ANO1: variants seen among roughly 807,000 people sequenced by gnomAD.
ANO1 encodes the protein anoctamin-1.
In ANO1, 59 loss-of-function variants were observed where a neutral mutation model predicts 124.0. The ratio of observed to expected loss-of-function variants is 0.48; its 90% CI spans 0.39 to 0.59. The LOEUF (loss-of-function observed/expected upper bound fraction) is 0.59, where lower values mean the gene tolerates loss of function less well. Among genes scored for constraint, ANO1 ranks in the 20% least tolerant of loss-of-function variants. The pLI, the probability that ANO1 is intolerant of heterozygous loss-of-function variation, is 0.00. For missense variants in ANO1, 1,059 were observed against 1,328.0 expected (o/e 0.80, Z 3.15); for synonymous variants, 529 against 532.0 (o/e 0.99, Z 0.08).
chr11:70,119,770 G>C (rs748066770), intron 8 of ANO1, among the ~76,000 whole-genome samples: 2 of 151,718 alleles, frequency 1.3e-5, no homozygotes, highest in Non-Finnish European at 2.9e-5. Flanking sequence ...ATAGATGGAT[G>C]GGTGGATGGT....
chr11:70,010,961 C>T (rs1236774182), intron 1 of ANO1, among the ~76,000 whole-genome samples: 16 of 152,362 alleles, frequency 1.1e-4, no homozygotes, highest in Non-Finnish European at 2.2e-4. Flanking sequence ...CTGTCTCGCT[C>T]ACTACTGCAC....
intron 20 of ANO1, 105 bp downstream of exon 20, chr11:70,165,675 TGGG>T: frequency 1.2e-6 from 1 of 860,318 alleles, no homozygotes; most frequent in Non-Finnish European, 1.8e-6. Flanking sequence ...TCAACCAAGA[TGGG>T]GGCACTAGAA....
chr11:70,149,853 C>T (rs2047530560), intron 12 of ANO1, 61 bp downstream of exon 12: 4 of 1,564,862 alleles, frequency 2.6e-6, no homozygotes, highest in Non-Finnish European at 3.5e-6. Context: ...TACCCCAGGA[C>T]CTCCTTGGGA....
chr11:70,180,659 G>A (rs1203341497), intron 23 of ANO1, among the ~76,000 whole-genome samples: 4 of 152,042 alleles, frequency 2.6e-5, no homozygotes, highest in Non-Finnish European at 5.9e-5. Flanking sequence ...GAGATAGGTG[G>A]GAAGACAGAG....
intron 1 of ANO1, among the ~76,000 whole-genome samples, chr11:70,020,632 G>A (rs1555002533): frequency 6.6e-6 from 1 of 152,122 alleles, no homozygotes; most frequent in Admixed American, 6.5e-5. Context: ...ACCCCTCTTC[G>A]CTGCTGCGGT....
intron 1 of ANO1, among the ~76,000 whole-genome samples, chr11:70,068,432 G>C (rs550514944): frequency 6.6e-6 from 1 of 152,314 alleles, no homozygotes; most frequent in South Asian, 2.1e-4. Context: ...GCTGGGTCCT[G>C]AGAATACAGA....
intron 1 of ANO1, among the ~76,000 whole-genome samples, chr11:69,991,609 G>T (rs187880077): frequency 6.6e-6 from 1 of 152,342 alleles, no homozygotes; most frequent in African/African-American, 2.4e-5. Flanking sequence ...CTTCCATATT[G>T]TGATGTAAAT....
intron 14 of ANO1, among the ~76,000 whole-genome samples, chr11:70,155,546 G>A (rs1335016804): frequency 6.6e-6 from 1 of 152,182 alleles, no homozygotes; most frequent in Non-Finnish European, 1.5e-5. Flanking sequence ...GGGCTTCTGG[G>A]TGTGGCTTCC....
intron 1 of ANO1, chr11:70,085,264 A>C (rs966345154): frequency 1.1e-6 from 1 of 933,772 alleles, no homozygotes; most frequent in African/African-American, 1.7e-5. Flanking sequence ...CCCGTCCTTC[A>C]TGGGGCTGGG....
chr11:70,136,531 G>T (rs938700965), intron 11 of ANO1, among the ~76,000 whole-genome samples: 11 of 120,546 alleles, frequency 9.1e-5, no homozygotes, highest in African/African-American at 1.5e-4. Context: ...CCTGGAGTTT[G>T]TTAGGGGAAG....
chr11:70,010,191 A>ATATATATATATATG lies in ANO1; in HGVS notation c.58+24032_58+24033insATATATGTATATAT, dbSNP rs1565159762. 1.9e-3 allele frequency among the ~76,000 whole-genome samples: 233 copies of ATATATATATATATG among 123,022 alleles called. 22 individuals carry two copies. The highest frequency in any genetic ancestry group is 7.7e-3 in the African/African-American group (221 of 28,710). The allele number at this position is 123,022 out of a possible 152,430, so 80.7% of individuals were successfully genotyped here. ...CGCGTGTGTGTGTGTATATATATAT[A>ATATATATATATATG]TATATATCACATTTTCTTTATCCAC... On this transcript the variant is annotated intron_variant, in intron 1 of 27. Transcript: ENST00000531349.
chr11:70,108,784 A>T (rs1379492802), intron 6 of ANO1, among the ~76,000 whole-genome samples: 1 of 152,176 alleles, frequency 6.6e-6, no homozygotes, highest in Non-Finnish European at 1.5e-5. Context: ...CGGCATCTCC[A>T]TGTGGCTGTT....
Position 70,126,083 on chromosome 11 carries a change from G to C in ANO1, c.985G>C (p.Gly329Arg). Residue 329 changes from glycine (G) to arginine (R), a missense_variant, in exon 10 of 26, where the codon GGC becomes CGC. Transcript: ENST00000355303. ...LVRKYFGEKI[G>R]LYFAWLGVYT... is the part of the protein sequence containing the mutation. ...TAGGAAGTATTTTGGGGAGAAGATC[G>C]GCCTGTACTTCGCCTGGCTGGGCGT... 1 of 1,611,136 alleles carries C rather than the reference G, an allele frequency of 6.2e-7. No homozygotes were observed. The highest frequency in any genetic ancestry group is 8.5e-7 in the Non-Finnish European group (1 of 1,178,562).
Position 70,182,593 on chromosome 11 carries a change from A to G in ANO1, c.2495A>G (p.Asn832Ser), listed in dbSNP as rs753555135. ...AACGGGACCATGCACGGCTTCGTCA[A>G]CCACACCCTCTCCTCCTTCAACGTC... ...SKNGTMHGFV[N>S]HTLSSFNVSD... The change falls in exon 24 of 26, where the codon AAC becomes AGC. Residue 832 changes from asparagine (N) to serine (S), a missense_variant. This residue lies in a region of ANO1 where 809 missense variants were observed against 1,094.9 expected (regional missense o/e 0.74). Transcript: ENST00000355303. The G allele has an allele frequency of 6.2e-6, 10 of 1,613,542 alleles. No individual in the cohort carries two copies. The highest frequency in any genetic ancestry group is 3.3e-5 in the Admixed American group (2 of 59,956).
At chr11:70,089,303 T>A (rs2044525899) in intron 2 of ANO1, among the ~76,000 whole-genome samples, 1 of 152,234 alleles carries the variant, frequency 6.6e-6, no homozygotes, top group South Asian at 2.1e-4. Flanking sequence ...TGAAATTTCA[T>A]CCACAGGCAC....
chr11:69,997,745 G>A (rs968339279), intron 1 of ANO1, among the ~76,000 whole-genome samples: 2 of 152,126 alleles, frequency 1.3e-5, no homozygotes, highest in African/African-American at 4.8e-5. Context: ...GAGTTCTCAC[G>A]AACCAGTTTT....
intron 3 of ANO1, 78 bp downstream of exon 3, chr11:70,103,242 G>C (rs1281402414): frequency 2.6e-6 from 3 of 1,147,174 alleles, no homozygotes; most frequent in East Asian, 5.1e-5. Context: ...GAAACATGCC[G>C]ACCTCGAGGC....
At position 70,021,432 on chromosome 11, in the gene ANO1, C is replaced by T. The variant is rs146676034; in HGVS notation, c.58+35266C>T. Among the ~76,000 whole-genome samples the T allele has an allele frequency of 4.0e-5, 6 of 151,614 alleles. No individual in the cohort carries two copies. In the East Asian group the frequency reaches 1.2e-3, roughly 29 times the overall value. ...TTTTCTTTGTAAAGCTATATACCAACTTCAGTTTTTAGAATAAGGAGAGTG... is the reference window on the plus strand; with the variant it reads ...TTTTCTTTGTAAAGCTATATACCAATTTCAGTTTTTAGAATAAGGAGAGTG... On this transcript the variant is annotated intron_variant, in intron 1 of 27. Transcript: ENST00000531349.
At chr11:69,999,443 G>C (rs904388649) in intron 1 of ANO1, among the ~76,000 whole-genome samples, 1 of 152,076 alleles carries the variant, frequency 6.6e-6, no homozygotes, top group East Asian at 1.9e-4. Flanking sequence ...ATTTGGGCGG[G>C]GACAATGTCC....
Sources: allele counts gnomAD v4.1 joint callset (sites outside exome capture counted in the v4.1 genomes callset), GRCh38; gene constraint gnomAD v4.1.1; regional missense constraint gnomAD v4.1.1; transcripts MANE v1.5; gene names NCBI Gene and HGNC (gene_info 2026-07-23, HGNC 2026-07-21).